FRMPD2: variants seen among roughly 807,000 people sequenced by gnomAD.
The protein encoded by FRMPD2 is FERM and PDZ domain-containing protein 2.
In FRMPD2, 96 loss-of-function variants were observed where a neutral mutation model predicts 140.1. The ratio of observed to expected loss-of-function variants is 0.69; its 90% CI spans 0.58 to 0.81. The LOEUF is 0.81. Ranked by LOEUF, FRMPD2 falls within the 40% of genes least tolerant of loss-of-function variation. FRMPD2 has a pLI of 0.00. For synonymous variants in FRMPD2, 449 were observed against 547.6 expected, an observed-to-expected ratio of 0.82 and a Z score of 2.52; for missense variants, 1,240 against 1,447.4, an observed-to-expected ratio of 0.86 and a Z score of 2.32.
Position 48,237,991 on chromosome 10 carries a change from C to A in FRMPD2, c.921G>T (p.Lys307Asn). 6.2e-7 allele frequency: 1 copy of A among 1,614,166 alleles called. No homozygotes were observed. Among genetic ancestry groups the A allele is most frequent in the African/African-American group, 1.3e-5 (1 of 75,062 alleles). ...TGTCCTTCAGCCTTATTTTGCTTACCTTGCTCCTTCTTTGCAGAAAACCCC... is the reference window on the plus strand; with the variant it reads ...TGTCCTTCAGCCTTATTTTGCTTACATTGCTCCTTCTTTGCAGAAAACCCC... Reference protein sequence around the residue: ...SQRGFLQRRSKFSRPEFILLA... With the variant: ...SQRGFLQRRSNFSRPEFILLA... Residue 307 changes from lysine (K) to asparagine (N), a missense_variant and splice_region_variant, in exon 8 of 29, where the codon AAG becomes AAT. Around this residue, in one of 6 missense-constraint regions of FRMPD2, gnomAD observed 1,161 missense variants for 1,055.9 expected, o/e 1.10. Coordinates refer to ENST00000374201, the MANE Select transcript of FRMPD2 (RefSeq NM_001018071.4).
At chr10:48,195,359 G>T (rs1000428272) in intron 15 of FRMPD2, among the ~76,000 whole-genome samples, 12 of 152,212 alleles carry the variant, frequency 7.9e-5, no homozygotes, top group Non-Finnish European at 2.9e-5. Flanking sequence ...TAACTATAAA[G>T]TAATATGCTT....
At chr10:48,228,252 A>G (rs1839770506) in intron 10 of FRMPD2, among the ~76,000 whole-genome samples, 1 of 152,030 alleles carries the variant, frequency 6.6e-6, no homozygotes, top group African/African-American at 2.4e-5. Context: ...AAGTGAATTA[A>G]TAAATGTAAA....
Position 48,238,135 on chromosome 10 carries a change from T to C in FRMPD2, c.789-12A>G, listed in dbSNP as rs763430388. ...CTCCTGGAAGAGCGCTGGCCAGGGGTTGAGAAGGGGTGAAGCACTTAGCAA... is the reference window on the plus strand; with the variant it reads ...CTCCTGGAAGAGCGCTGGCCAGGGGCTGAGAAGGGGTGAAGCACTTAGCAA... On this transcript the variant is annotated splice_polypyrimidine_tract_variant and intron_variant, in intron 7 of 28. Coordinates refer to ENST00000374201, the MANE Select transcript of FRMPD2 (RefSeq NM_001018071.4). 3.1e-6 allele frequency: 5 copies of C among 1,606,332 alleles called. No homozygotes were observed. Among genetic ancestry groups the C allele is most frequent in the Non-Finnish European group, 4.2e-6 (5 of 1,179,670 alleles).
At chr10:48,183,347 G>A (rs1838596380) in intron 20 of FRMPD2, among the ~76,000 whole-genome samples, 1 of 152,120 alleles carries the variant, frequency 6.6e-6, no homozygotes, top group African/African-American at 2.4e-5. Flanking sequence ...CTAGGGAGAA[G>A]GGATGTTAGC....
At chr10:48,244,248 G>C (rs1409680228) in intron 4 of FRMPD2, among the ~76,000 whole-genome samples, 1 of 152,322 alleles carries the variant, frequency 6.6e-6, no homozygotes, top group South Asian at 2.1e-4. Context: ...GCCTCCCAAA[G>C]TGCTGGGACT....
At chr10:48,246,001 A>G (rs1192256930) in intron 3 of FRMPD2, among the ~76,000 whole-genome samples, 1 of 152,196 alleles carries the variant, frequency 6.6e-6, no homozygotes, top group Non-Finnish European at 1.5e-5. Context: ...ACAACTCATT[A>G]GCTCTCATCT....
chr10:48,242,235 C>G lies in FRMPD2; in HGVS notation c.493G>C (p.Val165Leu). Residue 165 changes from valine (V) to leucine (L), a missense_variant, in exon 5 of 29, where the codon GTG becomes CTG. Physicochemically the swap from Val to Leu is conservative, Grantham distance 32. This residue lies in a region of FRMPD2 where 1,161 missense variants were observed against 1,055.9 expected (regional missense o/e 1.10). Transcript: ENST00000374201. Reference protein sequence around the residue: ...LEACRVHEKEVSVYPAPAGLH... With the variant: ...LEACRVHEKELSVYPAPAGLH... ...CCAGCAGGGGCTGGGTAGACAGACACTTCTTTCTCATGAACCCGACAAGCT... is the reference window on the plus strand; with the variant it reads ...CCAGCAGGGGCTGGGTAGACAGACAGTTCTTTCTCATGAACCCGACAAGCT... The G allele has an allele frequency of 6.2e-7, 1 of 1,614,180 alleles. No individual in the cohort carries two copies. The highest frequency in any genetic ancestry group is 1.3e-5 in the African/African-American group (1 of 75,048).
At chr10:48,192,963 G>T in intron 15 of FRMPD2, 69 bp from the exon 16 acceptor site, 6 of 1,195,532 alleles carry the variant, frequency 5.0e-6, no homozygotes, top group Non-Finnish European at 7.4e-6. Flanking sequence ...TGCTCTGGTG[G>T]TTGTAACATA....
Position 48,274,637 on chromosome 10 carries a change from T to C in FRMPD2, c.-70A>G, listed in dbSNP as rs1381685376. 3 of 1,481,356 alleles carry C rather than the reference T, an allele frequency of 2.0e-6. No individual in the cohort carries two copies. Among genetic ancestry groups the C allele is most frequent in the Non-Finnish European group, 2.8e-6 (3 of 1,062,972 alleles). The allele number at this position is 1,481,356 out of a possible 1,614,324, so 91.8% of individuals were successfully genotyped here. On this transcript the variant is annotated 5_prime_UTR_variant, in exon 1 of 29. Coordinates refer to ENST00000374201, the MANE Select transcript of FRMPD2 (RefSeq NM_001018071.4). The stretch of plus-strand genomic sequence containing the variant: ...CTTTCCAACAAGGAGCAGGGGTCTC[T>C]TGCAAGTCTGTCCGCGGAGCTCCCT...
At chr10:48,173,141 A>G (rs1838311599) in intron 24 of FRMPD2, 48 bp from the exon 25 acceptor site, 1 of 676,010 alleles carries the variant, frequency 1.5e-6, no homozygotes, top group Non-Finnish European at 2.7e-6. Context: ...TATGGCAACC[A>G]GGAGGCACTC....
chr10:48,212,609 A>G (rs1338832617), intron 12 of FRMPD2, among the ~76,000 whole-genome samples: 5 of 152,096 alleles, frequency 3.3e-5, no homozygotes, highest in African/African-American at 9.7e-5. Flanking sequence ...ATTTCTGTCT[A>G]CATGCACTCC....
At chr10:48,268,921 T>C (rs1840721127) in intron 1 of FRMPD2, among the ~76,000 whole-genome samples, 2 of 152,246 alleles carry the variant, frequency 1.3e-5, no homozygotes, top group African/African-American at 2.4e-5. Context: ...GGGACTTCTC[T>C]GTGCTCTTTG....
At chr10:48,247,225 T>C (rs1840270555) in intron 3 of FRMPD2, among the ~76,000 whole-genome samples, 1 of 152,270 alleles carries the variant, frequency 6.6e-6, no homozygotes, top group African/African-American at 2.4e-5. Context: ...GAGAAGTGAC[T>C]GGGCCTTCAT....
chr10:48,244,981 C>T (rs1274417744), intron 3 of FRMPD2, 132 bp from the exon 4 acceptor site: 10 of 682,692 alleles, frequency 1.5e-5, no homozygotes, highest in Non-Finnish European at 2.6e-5. Context: ...TCTGCAACTC[C>T]CTTAACCCTT....
In FRMPD2 at chr10:48,227,042, G is replaced by A. The variant is rs181982204; in HGVS notation, c.1169-3772C>T. Among the ~76,000 whole-genome samples, 40 of 152,288 alleles carry A rather than the reference G, an allele frequency of 2.6e-4. No individual in the cohort carries two copies. In the East Asian group the frequency reaches 7.2e-3, roughly 27 times the overall value. On this transcript the variant is annotated intron_variant, in intron 10 of 28. Coordinates refer to ENST00000374201, the MANE Select transcript of FRMPD2 (RefSeq NM_001018071.4). ...GACAAAAGCCTGCAAAAGGTGGGGGGATTCTTTCCAAAGCCAGCTTTCCCA... is the reference window on the plus strand; with the variant it reads ...GACAAAAGCCTGCAAAAGGTGGGGGAATTCTTTCCAAAGCCAGCTTTCCCA...
intron 10 of FRMPD2, among the ~76,000 whole-genome samples, chr10:48,223,969 G>T (rs1435887592): frequency 2.0e-5 from 3 of 152,236 alleles, no homozygotes; most frequent in Non-Finnish European, 2.9e-5. Flanking sequence ...AACCTCCAGA[G>T]CTGTGAGAAA....
chr10:48,201,005 T>A (rs1839072876), intron 15 of FRMPD2, among the ~76,000 whole-genome samples: 1 of 152,236 alleles, frequency 6.6e-6, no homozygotes, highest in South Asian at 2.1e-4. Flanking sequence ...CCAATTGCAC[T>A]CTGAAAAGAT....
chr10:48,239,374 T>G (rs1349350758), intron 7 of FRMPD2, among the ~76,000 whole-genome samples: 1 of 152,180 alleles, frequency 6.6e-6, no homozygotes, highest in Non-Finnish European at 1.5e-5. Flanking sequence ...CTGAGTATGG[T>G]TCCCAGAGGA....
At chr10:48,186,482 T>G (rs774198630) in intron 17 of FRMPD2, among the ~76,000 whole-genome samples, 3 of 152,350 alleles carry the variant, frequency 2.0e-5, no homozygotes, top group Non-Finnish European at 4.4e-5. Flanking sequence ...TCCCATGCTA[T>G]TCTCGTGATA....
Sources: gnomAD v4.1 joint callset for allele counts (sites outside exome capture counted in the v4.1 genomes callset) on GRCh38, gnomAD v4.1.1 for gene constraint, gnomAD v4.1.1 regional missense constraint, MANE v1.5 for transcripts, NCBI Gene and HGNC (gene_info 2026-07-23, HGNC 2026-07-21) for gene names.